Variants in IQSEC1 observed in about 807,000 individuals in gnomAD.
IQSEC1 encodes the protein IQ motif and SEC7 domain-containing protein 1.
Under a neutral mutation model 91.0 loss-of-function variants are expected in IQSEC1, and 31 were observed. That is an observed-to-expected ratio of 0.34 (90% CI 0.26 to 0.46). The LOEUF is 0.46. IQSEC1 is among the 20% of genes least tolerant of loss of function. The probability of loss-of-function intolerance (pLI) is 1.00; values close to 1 mark genes in which losing one functional copy is unlikely to be tolerated. For missense variants in IQSEC1, 1,388 were observed against 1,575.6 expected, an observed-to-expected ratio of 0.88 and a Z score of 2.02; for synonymous variants, 699 against 662.6, an observed-to-expected ratio of 1.05 and a Z score of -0.84.
At chr3:13,109,216 G>C (rs1331974234) in intron 2 of IQSEC1, among the ~76,000 whole-genome samples, 1 of 152,184 alleles carries the variant, frequency 6.6e-6, no homozygotes, top group African/African-American at 2.4e-5. Flanking sequence ...CGGTCCACCT[G>C]GGGGAGGGTG....
At chr3:13,229,271 C>T (rs1694805358) in intron 1 of IQSEC1, among the ~76,000 whole-genome samples, 1 of 152,220 alleles carries the variant, frequency 6.6e-6, no homozygotes, top group South Asian at 2.1e-4. Flanking sequence ...GGTTCTCTCA[C>T]AACCATGTGC....
intron 1 of IQSEC1, among the ~76,000 whole-genome samples, chr3:13,010,721 G>A (rs984776670): frequency 5.9e-5 from 9 of 152,112 alleles, no homozygotes; most frequent in African/African-American, 2.2e-4. Flanking sequence ...ACAAATACTG[G>A]TTAATAAAAC....
chr3:12,943,217 C>T (rs933445231), intron 1 of IQSEC1, among the ~76,000 whole-genome samples: 6 of 152,158 alleles, frequency 3.9e-5, no homozygotes, highest in African/African-American at 1.4e-4. Flanking sequence ...CCAGTGGTCC[C>T]CTCCGCCTCA....
At chr3:12,919,380 A>C (rs960724988) in intron 6 of IQSEC1, among the ~76,000 whole-genome samples, 1 of 152,014 alleles carries the variant, frequency 6.6e-6, no homozygotes, top group Non-Finnish European at 1.5e-5. Flanking sequence ...TGGCAGAACC[A>C]CTCAGGTCTT....
chr3:12,914,028 A>ATCC (rs2125112129), intron 8 of IQSEC1, among the ~76,000 whole-genome samples: 1 of 152,336 alleles, frequency 6.6e-6, no homozygotes, highest in East Asian at 1.9e-4. Flanking sequence ...CAAAACTAGG[A>ATCC]AGTGGCAGAG....
At chr3:13,196,912 T>C (rs1694140035) in intron 1 of IQSEC1, among the ~76,000 whole-genome samples, 4 of 151,932 alleles carry the variant, frequency 2.6e-5, no homozygotes. Context: ...GGAGAGTCTG[T>C]GGGATCCGGG....
intron 1 of IQSEC1, among the ~76,000 whole-genome samples, chr3:12,946,692 G>A (rs1386392163): frequency 2.0e-5 from 3 of 152,140 alleles, no homozygotes; most frequent in African/African-American, 7.2e-5. Flanking sequence ...AAAGCCTTGG[G>A]GATTTTTTGT....
intron 2 of IQSEC1, among the ~76,000 whole-genome samples, chr3:12,939,543 G>C (rs903038240): frequency 6.6e-6 from 1 of 152,172 alleles, no homozygotes; most frequent in African/African-American, 2.4e-5. Flanking sequence ...TTTTTCATCT[G>C]GTGATTCCCA....
chr3:13,002,612 T>G (rs1170441180), intron 1 of IQSEC1, among the ~76,000 whole-genome samples: 1 of 151,148 alleles, frequency 6.6e-6, no homozygotes, highest in Non-Finnish European at 1.5e-5. Context: ...GGAACCTGTA[T>G]GTAGAGTATG....
rs1694022047 is a variant in IQSEC1 at position 12,899,640 on chromosome 3, G to A, written c.*1343C>T. On this transcript the variant is annotated 3_prime_UTR_variant, in exon 14 of 14. Transcript: ENST00000613206. ...GCTGGGGTCACACGGGCCACGGTGA[G>A]GACACAGGGGTTCTGCTAGCACATG... is the stretch of plus-strand genomic sequence containing the variant. The A allele has an allele frequency of 2.0e-6, 2 of 985,456 alleles. No homozygotes were observed. Among genetic ancestry groups the A allele is most frequent in the Non-Finnish European group, 2.4e-6 (2 of 829,938 alleles). The allele number at this position is 985,456 out of a possible 1,614,324, so 61.0% of individuals were successfully genotyped here.
chr3:13,141,225 C>T (rs981275999), intron 2 of IQSEC1, among the ~76,000 whole-genome samples: 1 of 152,048 alleles, frequency 6.6e-6, no homozygotes, highest in African/African-American at 2.4e-5. Context: ...TTTGGTTTTC[C>T]ATGAAAAAAT....
At chr3:13,070,259 G>A (rs2125109793) in intron 1 of IQSEC1, among the ~76,000 whole-genome samples, 1 of 152,376 alleles carries the variant, frequency 6.6e-6, no homozygotes, top group South Asian at 2.1e-4. Context: ...TGTGACCCCA[G>A]TCAAGTTCCT....
At chr3:12,943,440 T>A (rs1173600398) in intron 1 of IQSEC1, among the ~76,000 whole-genome samples, 1 of 152,144 alleles carries the variant, frequency 6.6e-6, no homozygotes, top group Non-Finnish European at 1.5e-5. Context: ...TATGTCACAG[T>A]TTCCAACACA....
chr3:13,158,831 G>A (rs1455491230), intron 2 of IQSEC1, among the ~76,000 whole-genome samples: 1 of 152,104 alleles, frequency 6.6e-6, no homozygotes, highest in Non-Finnish European at 1.5e-5. Context: ...GCGTGGTGGT[G>A]TGCGCCTGTA....
At chr3:12,933,377 C>T (rs1697875456) in intron 3 of IQSEC1, among the ~76,000 whole-genome samples, 1 of 152,238 alleles carries the variant, frequency 6.6e-6, no homozygotes, top group South Asian at 2.1e-4. Flanking sequence ...TACCACTCAG[C>T]AGCACACAGG....
At chr3:13,061,155 T>A (rs1705054476) in intron 1 of IQSEC1, among the ~76,000 whole-genome samples, 1 of 151,950 alleles carries the variant, frequency 6.6e-6, no homozygotes, top group Non-Finnish European at 1.5e-5. Context: ...TTCCTACCCC[T>A]CGGTTCTGGC....
chr3:13,127,849 T>C (rs1365183201), intron 2 of IQSEC1, among the ~76,000 whole-genome samples: 1 of 152,266 alleles, frequency 6.6e-6, no homozygotes, highest in Non-Finnish European at 1.5e-5. Context: ...ACAAATCCCA[T>C]ATGTTTTCAG....
At chr3:13,006,907 G>A (rs1056837448) in intron 1 of IQSEC1, among the ~76,000 whole-genome samples, 6 of 152,212 alleles carry the variant, frequency 3.9e-5, no homozygotes, top group Non-Finnish European at 8.8e-5. Flanking sequence ...TCTGACTGGC[G>A]GAGCCCCTGC....
chr3:13,174,840 C>CG, intron 1 of IQSEC1, among the ~76,000 whole-genome samples: 2 of 151,782 alleles, frequency 1.3e-5, no homozygotes, highest in South Asian at 4.2e-4. Flanking sequence ...TGCTCCCCCC[C>CG]CCCACCTCCT....
Sources: allele counts gnomAD v4.1 joint callset (sites outside exome capture counted in the v4.1 genomes callset), GRCh38; gene constraint gnomAD v4.1.1; transcripts MANE v1.5; gene names NCBI Gene and HGNC (gene_info 2026-07-23, HGNC 2026-07-21).